Variants in RBFOX2 observed in about 807,000 individuals in gnomAD.
RBFOX2 encodes the protein RNA binding fox-1 homolog 2.
A neutral mutation model predicts 49.1 loss-of-function variants in RBFOX2; 10 were observed. The ratio of observed to expected loss-of-function variants is 0.20; its 90% CI spans 0.13 to 0.35. The LOEUF (loss-of-function observed/expected upper bound fraction) is 0.35. Ranked by LOEUF, RBFOX2 falls within the 10% of genes least tolerant of loss-of-function variation. RBFOX2 has a pLI of 1.00. For missense variants in RBFOX2, 323 were observed against 486.9 expected (o/e 0.66, Z 3.17); for synonymous variants, 183 against 187.4 (o/e 0.98, Z 0.19).
chr22:35,945,543 C>A (rs537933739), intron 1 of RBFOX2, among the ~76,000 whole-genome samples: 6 of 152,232 alleles, frequency 3.9e-5, no homozygotes, highest in African/African-American at 1.4e-4. Flanking sequence ...CAGACCCAAG[C>A]GATCCTCCTA....
chr22:35,842,137 T>A (rs563247453), upstream of RBFOX2, among the ~76,000 whole-genome samples: 18 of 152,320 alleles, frequency 1.2e-4, 1 homozygote, highest in South Asian at 3.5e-3. Flanking sequence ...AAATTAATAA[T>A]CATTTTAACA....
chr22:35,818,771 A>G (rs1953759978), intron 1 of RBFOX2, among the ~76,000 whole-genome samples: 1 of 152,206 alleles, frequency 6.6e-6, no homozygotes, highest in Non-Finnish European at 1.5e-5. Context: ...TGAGCAACAG[A>G]GAGAGACCAT....
Position 35,853,291 on chromosome 22 carries a change from C to CT in RBFOX2, c.-33-43288dup, listed in dbSNP as rs1379850075. On this transcript the variant is annotated intron_variant, in intron 1 of 13. Coordinates refer to the RBFOX2 transcript ENST00000359369. ...CCTGGGCAACAAAGTGAGCCTCTGT[C>CT]TAAAAAAAAAAAAAAAAGAAAGAAA... Among the ~76,000 whole-genome samples, 4 of 117,324 alleles carry CT rather than the reference C, an allele frequency of 3.4e-5. No individual in the cohort carries two copies. In the East Asian group the frequency reaches 8.8e-4, roughly 26 times the overall value. The allele number at this position is 117,324 out of a possible 152,430, so 77.0% of individuals were successfully genotyped here. A position where few individuals can be genotyped will look rare whatever the true frequency, so the allele number is the denominator to read the frequency against.
chr22:35,930,209 T>C (rs907774292), intron 1 of RBFOX2, among the ~76,000 whole-genome samples: 3 of 151,484 alleles, frequency 2.0e-5, no homozygotes, highest in East Asian at 2.0e-4. Context: ...TTAGTAGAGA[T>C]AGGGTTTCCC....
At chr22:35,812,846 G>A (rs181365659) in intron 1 of RBFOX2, among the ~76,000 whole-genome samples, 28 of 152,278 alleles carry the variant, frequency 1.8e-4, no homozygotes, top group Admixed American at 1.6e-3. Context: ...ATGAGACTCT[G>A]GCACACAAGT....
intron 10 of RBFOX2, 102 bp from the exon 13 acceptor site, chr22:35,746,097 G>A: frequency 9.7e-7 from 1 of 1,032,796 alleles, no homozygotes; most frequent in South Asian, 1.4e-5. Context: ...CTTGGTCTTG[G>A]ATTATCATAA....
rs1187600619 is a variant in RBFOX2 at position 35,990,180 on chromosome 22, TAAAAAC to T, written c.186+38054_186+38059del. 5.3e-5 allele frequency among the ~76,000 whole-genome samples: 8 copies of T among 152,012 alleles called. No individual in the cohort carries two copies. The East Asian group carries it at 9.7e-4, about 18-fold the overall frequency. On this transcript the variant is annotated intron_variant, in intron 1 of 13. Coordinates refer to the RBFOX2 transcript ENST00000438146. Reference sequence around the variant, plus strand: ...CCTGGTGACAGAGTGAGACTCTGTCTAAAAACAAAAACAAAAACAAAAAACACACAC... The same window carrying T: ...CCTGGTGACAGAGTGAGACTCTGTCTAAAAACAAAAACAAAAAACACACAC...
intron 1 of RBFOX2, among the ~76,000 whole-genome samples, chr22:35,811,090 C>G (rs1297504538): frequency 1.3e-5 from 2 of 151,898 alleles, no homozygotes; most frequent in Non-Finnish European, 2.9e-5. Flanking sequence ...TCTCCAATGT[C>G]CAAGAATCAT....
chr22:35,886,867 G>T (rs2149337848), intron 1 of RBFOX2, among the ~76,000 whole-genome samples: 1 of 152,230 alleles, frequency 6.6e-6, no homozygotes, highest in African/African-American at 2.4e-5. Context: ...AAGGAGAAAG[G>T]GGAGTTAGTG....
chr22:35,812,433 G>A (rs934990496), intron 1 of RBFOX2, among the ~76,000 whole-genome samples: 2 of 151,862 alleles, frequency 1.3e-5, no homozygotes, highest in Admixed American at 6.6e-5. Flanking sequence ...AGCTATTCTG[G>A]GCATCTGACG....
At chr22:35,969,259 T>G (rs778527851) in intron 1 of RBFOX2, among the ~76,000 whole-genome samples, 7 of 151,886 alleles carry the variant, frequency 4.6e-5, no homozygotes, top group Non-Finnish European at 7.4e-5. Context: ...CAATAAAAAT[T>G]TCCATTAATT....
At position 35,837,459 on chromosome 22, in the gene RBFOX2, T is replaced by A. The variant is rs553926180; in HGVS notation, c.27+2733A>T. On this transcript the variant is annotated intron_variant, in intron 1 of 11. Transcript: ENST00000405409. ...AGAAAGCTTATGTGACAGGTCATTA[T>A]CAAATGTTGGGATTGGATGTCTGGC... 2.4e-4 allele frequency among the ~76,000 whole-genome samples: 37 copies of A among 152,060 alleles called. No individual in the cohort carries two copies. In the South Asian group the frequency reaches 7.5e-3, roughly 31 times the overall value.
At chr22:35,901,993 T>C (rs2048636880) in intron 1 of RBFOX2, among the ~76,000 whole-genome samples, 1 of 151,818 alleles carries the variant, frequency 6.6e-6, no homozygotes. Context: ...GGCAGGAGAA[T>C]CGCTTGAACC....
At chr22:35,840,531 C>T in exon 1 of RBFOX2, 1 of 1,224,100 alleles carries the variant, frequency 8.2e-7, no homozygotes, top group South Asian at 2.3e-5. Context: ...CTCCTCCCCC[C>T]ACCCCCTCCC....
chr22:35,840,631 CGTGTGTGTGT>C (rs150747166), upstream of RBFOX2: 136 of 1,006,666 alleles, frequency 1.4e-4, no homozygotes, highest in Middle Eastern at 4.8e-4. Context: ...TGCGTGTGTG[CGTGTGTGTGT>C]GTGTGTGTGT....
chr22:36,008,654 TA>T (rs2058704875), intron 1 of RBFOX2, among the ~76,000 whole-genome samples: 3 of 151,890 alleles, frequency 2.0e-5, no homozygotes, highest in Admixed American at 1.3e-4. Context: ...CCACCTCTAC[TA>T]AAAACAGAAA....
At chr22:35,859,255 A>G (rs2042862633) in intron 1 of RBFOX2, among the ~76,000 whole-genome samples, 1 of 152,224 alleles carries the variant, frequency 6.6e-6, no homozygotes, top group Admixed American at 6.5e-5. Context: ...GTACTTTAAA[A>G]AAACTAGCGG....
intron 1 of RBFOX2, among the ~76,000 whole-genome samples, chr22:35,850,098 G>T (rs1480113294): frequency 1.3e-5 from 2 of 151,948 alleles, no homozygotes; most frequent in Non-Finnish European, 2.9e-5. Flanking sequence ...CCAGGACACA[G>T]AAAGGCAGAT....
intron 9 of RBFOX2, among the ~76,000 whole-genome samples, chr22:35,755,058 T>C (rs957031046): frequency 6.6e-6 from 1 of 152,244 alleles, no homozygotes; most frequent in Admixed American, 6.5e-5. Context: ...TTAGGTTGCT[T>C]GTGAATCTCT....
Sources: allele counts gnomAD v4.1 joint callset (sites outside exome capture counted in the v4.1 genomes callset), GRCh38; gene constraint gnomAD v4.1.1; transcripts MANE v1.5; gene names NCBI Gene and HGNC (gene_info 2026-07-23, HGNC 2026-07-21).